DGKH: variants seen among roughly 807,000 people sequenced by gnomAD.
DGKH encodes the protein diacylglycerol kinase eta, also known as DAG kinase eta.
DGKH carries 90 observed loss-of-function variants against 159.3 expected under a neutral mutation model. That is an observed-to-expected ratio of 0.57 (90% CI 0.48 to 0.67). DGKH has a LOEUF of 0.67. Ranked by LOEUF, DGKH falls within the 30% of genes least tolerant of loss-of-function variation. DGKH has a pLI of 0.00. For missense variants in DGKH, 1,181 were observed against 1,506.1 expected, an observed-to-expected ratio of 0.78 and a Z score of 3.57; for synonymous variants, 536 against 553.8, an observed-to-expected ratio of 0.97 and a Z score of 0.45.
chr13:42,103,892 A>G (rs1347096911), intron 1 of DGKH, among the ~76,000 whole-genome samples: 2 of 152,200 alleles, frequency 1.3e-5, no homozygotes, highest in Admixed American at 6.5e-5. Context: ...CTAGAATTAT[A>G]TAGAATGACT....
chr13:42,136,040 G>T (rs1955396459), intron 3 of DGKH, among the ~76,000 whole-genome samples: 1 of 152,302 alleles, frequency 6.6e-6, no homozygotes, highest in Admixed American at 6.5e-5. Flanking sequence ...TTGGACAAAT[G>T]GGTTAACCTT....
At chr13:42,137,725 T>C (rs1206275176) in intron 3 of DGKH, among the ~76,000 whole-genome samples, 1 of 152,202 alleles carries the variant, frequency 6.6e-6, no homozygotes, top group Non-Finnish European at 1.5e-5. Flanking sequence ...TTTGGCACTG[T>C]ACTTTAAAGA....
intron 29 of DGKH, among the ~76,000 whole-genome samples, chr13:42,225,758 T>C (rs1414217817): frequency 1.4e-5 from 2 of 143,102 alleles, no homozygotes; most frequent in Non-Finnish European, 3.0e-5. Context: ...GAGTGACAGA[T>C]TGAGACTCTG....
At chr13:42,125,486 T>C (rs867624741) in intron 1 of DGKH, among the ~76,000 whole-genome samples, 9 of 152,058 alleles carry the variant, frequency 5.9e-5, no homozygotes, top group African/African-American at 2.2e-4. Context: ...AGGCATAGAG[T>C]TGGGGTAATT....
At chr13:42,197,749 A>G (rs9594703) in intron 17 of DGKH, among the ~76,000 whole-genome samples, 19,430 of 152,118 alleles carry the variant, frequency 0.13, 1,624 homozygotes, top group Admixed American at 0.22. Flanking sequence ...TTGTTTTTCT[A>G]ATTTCCTCGT....
intron 3 of DGKH, among the ~76,000 whole-genome samples, chr13:42,131,778 A>G (rs1414709279): frequency 6.6e-6 from 1 of 152,214 alleles, no homozygotes; most frequent in African/African-American, 2.4e-5. Context: ...AGAAAGAGAA[A>G]GGGAGAGATT....
At chr13:42,153,681 A>G (rs962451856) in intron 3 of DGKH, 8 of 152,218 alleles carry the variant, frequency 5.3e-5, no homozygotes, top group African/African-American at 1.9e-4. Context: ...AACATTTTGA[A>G]GCAATAAAGC....
intron 13 of DGKH, among the ~76,000 whole-genome samples, chr13:42,179,383 C>T (rs1403988707): frequency 6.6e-6 from 1 of 152,192 alleles, no homozygotes; most frequent in Non-Finnish European, 1.5e-5. Context: ...AACTTTATTG[C>T]TTAATTTTTC....
intron 16 of DGKH, among the ~76,000 whole-genome samples, chr13:42,192,581 C>T (rs1438057044): frequency 8.6e-5 from 9 of 104,134 alleles, no homozygotes; most frequent in South Asian, 3.5e-4. Context: ...CCTCCTTCTT[C>T]TTCTTTTTCC....
rs1882843448 is a variant in DGKH, at chr13:42,069,911, G to T, written c.192+20946G>T. The T allele has an allele frequency of 6.9e-6, 5 of 726,094 alleles. No homozygotes were observed. In the East Asian group the frequency reaches 1.2e-4, roughly 18 times the overall value. The allele number at this position is 726,094 out of a possible 1,614,324, so 45.0% of individuals were successfully genotyped here. The stretch of plus-strand genomic sequence containing the variant: ...TCCAAATAATTTCAGGGATCGACTT[G>T]TACTTCTTCATCAGTGACATCAGAC... On this transcript the variant is annotated intron_variant, in intron 1 of 29. Transcript: ENST00000337343.
intron 3 of DGKH, among the ~76,000 whole-genome samples, chr13:42,133,106 G>T (rs1481626220): frequency 6.6e-6 from 1 of 151,866 alleles, no homozygotes; most frequent in African/African-American, 2.4e-5. Flanking sequence ...AGCAGGTGGA[G>T]GTTGCAGTGA....
intron 17 of DGKH, among the ~76,000 whole-genome samples, chr13:42,197,267 A>AAAAAAAAAAAAAAAAG (rs922365530): frequency 1.5e-5 from 2 of 135,320 alleles, no homozygotes; most frequent in Non-Finnish European, 1.6e-5. Flanking sequence ...AAAAAAAAAA[A>AAAAAAAAAAAAAAAAG]AAAGAAAGAA....
intron 12 of DGKH, among the ~76,000 whole-genome samples, chr13:42,176,541 T>C (rs1320916580): frequency 6.9e-6 from 1 of 145,292 alleles, no homozygotes; most frequent in Non-Finnish European, 1.5e-5. Context: ...TGAAGGAGAA[T>C]GTAGAAATTT....
At chr13:42,145,099 C>A (rs569463540) in intron 3 of DGKH, among the ~76,000 whole-genome samples, 5 of 152,300 alleles carry the variant, frequency 3.3e-5, no homozygotes, top group African/African-American at 1.2e-4. Flanking sequence ...TAATTTCCAA[C>A]AAGAAAATCA....
chr13:42,125,600 C>T (rs113206883), intron 1 of DGKH, among the ~76,000 whole-genome samples: 102 of 152,198 alleles, frequency 6.7e-4, no homozygotes, highest in Non-Finnish European at 1.2e-3. Flanking sequence ...TGTTTTGTTA[C>T]GATTAAATTG....
intron 24 of DGKH, among the ~76,000 whole-genome samples, chr13:42,213,625 A>G (rs140709451): frequency 1.3e-5 from 2 of 152,102 alleles, no homozygotes; most frequent in Admixed American, 1.3e-4. Flanking sequence ...CCATTGTATA[A>G]TCCTTAAGAA....
At chr13:42,109,511 T>C (rs746021927) in intron 1 of DGKH, among the ~76,000 whole-genome samples, 12 of 152,148 alleles carry the variant, frequency 7.9e-5, no homozygotes, top group Non-Finnish European at 1.0e-4. Context: ...AGGGCTTAGA[T>C]TTTTTTGGCA....
At chr13:42,092,288 T>TC (rs1348352171) in intron 1 of DGKH, among the ~76,000 whole-genome samples, 1 of 152,172 alleles carries the variant, frequency 6.6e-6, no homozygotes, top group Non-Finnish European at 1.5e-5. Context: ...ATATCTGTAC[T>TC]CCCATGTTTA....
chr13:42,130,432 T>C (rs760580310), intron 3 of DGKH, among the ~76,000 whole-genome samples: 2 of 152,216 alleles, frequency 1.3e-5, no homozygotes, highest in African/African-American at 2.4e-5. Context: ...GCACAAGAAA[T>C]TCAGAGGTGA....
Sources: gnomAD v4.1 joint callset for allele counts (sites outside exome capture counted in the v4.1 genomes callset) on GRCh38, gnomAD v4.1.1 for gene constraint, MANE v1.5 for transcripts, NCBI Gene and HGNC (gene_info 2026-07-23, HGNC 2026-07-21) for gene names.